The following SLIT3 variants were observed in gnomAD, a reference collection of about 807,000 sequenced individuals.
SLIT3 encodes slit homolog 3 protein.
Under a neutral mutation model 184.0 loss-of-function variants are expected in SLIT3, and 68 were observed. The ratio of observed to expected loss-of-function variants is 0.37; its 90% confidence interval spans 0.30 to 0.45. The LOEUF is 0.45. Among genes scored for constraint, SLIT3 ranks in the 20% least tolerant of loss-of-function variants. The pLI, the probability that SLIT3 is intolerant of heterozygous loss-of-function variation, is 1.00. For missense variants in SLIT3, 1,707 were observed against 2,026.0 expected (o/e 0.84, Z 3.02); for synonymous variants, 831 against 828.6 (o/e 1.00, Z -0.05).
At chr5:169,175,103 C>A (rs1360124296) in intron 4 of SLIT3, among the ~76,000 whole-genome samples, 1 of 152,088 alleles carries the variant, frequency 6.6e-6, no homozygotes, top group African/African-American at 2.4e-5. Context: ...ACAATGACGG[C>A]AATGATGGAA....
chr5:168,777,412 G>C (rs1755801978), intron 12 of SLIT3, among the ~76,000 whole-genome samples: 1 of 152,222 alleles, frequency 6.6e-6, no homozygotes, highest in African/African-American at 2.4e-5. Context: ...GCCATGGGGA[G>C]AAAGAAATGG....
chr5:168,953,872 G>C (rs1435711811), intron 4 of SLIT3, among the ~76,000 whole-genome samples: 1 of 152,160 alleles, frequency 6.6e-6, no homozygotes, highest in Non-Finnish European at 1.5e-5. Flanking sequence ...ATATTTATTT[G>C]CCCTTCAAAA....
At chr5:169,129,584 G>A (rs1761217694) in intron 4 of SLIT3, among the ~76,000 whole-genome samples, 1 of 152,058 alleles carries the variant, frequency 6.6e-6, no homozygotes, top group African/African-American at 2.4e-5. Flanking sequence ...TCTTGACACT[G>A]CCTCATTTGG....
intron 4 of SLIT3, among the ~76,000 whole-genome samples, chr5:168,967,301 T>C (rs1182921767): frequency 6.6e-6 from 1 of 151,984 alleles, no homozygotes; most frequent in African/African-American, 2.4e-5. Flanking sequence ...TATTTCTAGG[T>C]GAACAATCAT....
intron 4 of SLIT3, among the ~76,000 whole-genome samples, chr5:168,967,417 C>T (rs1439464346): frequency 1.4e-5 from 2 of 145,502 alleles, no homozygotes; most frequent in African/African-American, 5.1e-5. Context: ...TTGCATTCCT[C>T]TGGCACTGCC....
intron 4 of SLIT3, among the ~76,000 whole-genome samples, chr5:169,181,070 A>G (rs1231453631): frequency 1.3e-5 from 2 of 152,158 alleles, no homozygotes; most frequent in East Asian, 3.8e-4. Context: ...GACCAAAAAC[A>G]CCAATTATGA....
chr5:168,970,221 C>A (rs138236010), intron 4 of SLIT3, among the ~76,000 whole-genome samples: 202 of 151,736 alleles, frequency 1.3e-3, no homozygotes, highest in African/African-American at 4.4e-3. Flanking sequence ...CAAGGCCAGG[C>A]GTGGTGGCTG....
At chr5:168,903,664 C>T (rs765790616) in intron 4 of SLIT3, among the ~76,000 whole-genome samples, 1 of 152,130 alleles carries the variant, frequency 6.6e-6, no homozygotes, top group Admixed American at 6.5e-5. Flanking sequence ...AACACAAAGG[C>T]CTGTCTCTGG....
At chr5:169,090,529 G>A (rs2113200808) in intron 4 of SLIT3, among the ~76,000 whole-genome samples, 1 of 152,306 alleles carries the variant, frequency 6.6e-6, no homozygotes, top group South Asian at 2.1e-4. Context: ...CCCACCTCAG[G>A]CTGGAATAGG....
intron 5 of SLIT3, among the ~76,000 whole-genome samples, chr5:168,847,346 C>T (rs1466927229): frequency 6.6e-6 from 1 of 152,120 alleles, no homozygotes; most frequent in Non-Finnish European, 1.5e-5. Context: ...TAAATGAAAA[C>T]AGACAGGATA....
intron 3 of SLIT3, among the ~76,000 whole-genome samples, chr5:169,234,075 T>C (rs895723325): frequency 6.6e-5 from 10 of 152,216 alleles, no homozygotes; most frequent in Non-Finnish European, 5.9e-5. Context: ...GAAATGACTT[T>C]TCTTATTTCT....
At chr5:168,908,699 C>G (rs746205675) in intron 4 of SLIT3, among the ~76,000 whole-genome samples, 9 of 152,146 alleles carry the variant, frequency 5.9e-5, no homozygotes, top group African/African-American at 1.7e-4. Context: ...CTCTGAGGAC[C>G]AGCAAGCAGG....
At chr5:169,190,267 G>C (rs1394625448) in intron 4 of SLIT3, among the ~76,000 whole-genome samples, 1 of 152,192 alleles carries the variant, frequency 6.6e-6, no homozygotes, top group Non-Finnish European at 1.5e-5. Flanking sequence ...TCTTCACCAG[G>C]ATCTCTGAAT....
At chr5:169,234,551 G>A (rs1487446087) in intron 3 of SLIT3, among the ~76,000 whole-genome samples, 1 of 152,154 alleles carries the variant, frequency 6.6e-6, no homozygotes, top group Admixed American at 6.5e-5. Flanking sequence ...CTACAGGCGT[G>A]TGCCATCACA....
chr5:168,867,025 G>A (rs558834205), intron 5 of SLIT3, among the ~76,000 whole-genome samples: 9 of 152,228 alleles, frequency 5.9e-5, no homozygotes, highest in African/African-American at 9.6e-5. Context: ...CATGCCAGTC[G>A]TTCTCAAAAG....
chr5:169,300,748 C>A lies in SLIT3; in HGVS notation c.-39G>T, dbSNP rs1290137073. ...CCGCTCCTGGAGGAGGCTGCCTCTG[C>A]GGGGCAAGACGCGTGGAGCCCGAGG... is the stretch of plus-strand genomic sequence containing the variant. On this transcript the variant is annotated 5_prime_UTR_variant, in exon 1 of 36. Transcript: ENST00000519560. The surrounding 1 kb of genome is among the most constrained non-coding windows in gnomAD (Gnocchi z 4.1). The A allele has an allele frequency of 1.6e-6, 2 of 1,278,612 alleles. No homozygotes were observed. The highest frequency in any genetic ancestry group is 2.6e-5 in the South Asian group (1 of 38,540). The allele number at this position is 1,278,612 out of a possible 1,614,324, so 79.2% of individuals were successfully genotyped here.
chr5:169,170,389 C>T (rs1487699861), intron 4 of SLIT3, among the ~76,000 whole-genome samples: 1 of 152,220 alleles, frequency 6.6e-6, no homozygotes, highest in Non-Finnish European at 1.5e-5. Flanking sequence ...CCTGCTCTTC[C>T]TCCTGAGGAG....
chr5:169,172,280 A>G (rs1181849760), intron 4 of SLIT3, among the ~76,000 whole-genome samples: 1 of 152,178 alleles, frequency 6.6e-6, no homozygotes, highest in African/African-American at 2.4e-5. Context: ...GTCCTCAGAT[A>G]CTTATTTCAG....
intron 1 of SLIT3, among the ~76,000 whole-genome samples, chr5:169,263,357 G>A (rs142612776): frequency 3.3e-5 from 5 of 151,992 alleles, no homozygotes; most frequent in Admixed American, 1.3e-4. Flanking sequence ...ATAAAAAGAC[G>A]ACGAGACAGA....
Sources: gnomAD v4.1 joint callset for allele counts (sites outside exome capture counted in the v4.1 genomes callset) on GRCh38, gnomAD v4.1.1 for gene constraint, Gnocchi (gnomAD v3.1) non-coding constraint, MANE v1.5 for transcripts, NCBI Gene and HGNC (gene_info 2026-07-23, HGNC 2026-07-21) for gene names.